AGBL1: variants seen among roughly 807,000 people sequenced by gnomAD.
AGBL1 encodes the protein AGBL carboxypeptidase 1, also known as cytosolic carboxypeptidase 4.
AGBL1 carries 130 observed loss-of-function variants against 118.9 expected under a neutral mutation model. The ratio of observed to expected loss-of-function variants is 1.09; its 90% CI spans 0.95 to 1.26. The LOEUF (loss-of-function observed/expected upper bound fraction) is 1.26. Ranked by LOEUF, AGBL1 falls within the 50% of genes most tolerant of loss-of-function variation. The pLI, the probability that AGBL1 is intolerant of heterozygous loss-of-function variation, is 0.00. For missense variants in AGBL1, 1,584 were observed against 1,298.1 expected (o/e 1.22, Z -3.38); for synonymous variants, 555 against 478.9 (o/e 1.16, Z -2.08).
At chr15:86,248,202 A>G (rs2078752795) in intron 7 of AGBL1, among the ~76,000 whole-genome samples, 1 of 152,180 alleles carries the variant, frequency 6.6e-6, no homozygotes, top group South Asian at 2.1e-4. Context: ...CTATAGTCCC[A>G]GTTACTCAGG....
chr15:86,222,636 C>T (rs2078297571), intron 5 of AGBL1, among the ~76,000 whole-genome samples: 1 of 152,084 alleles, frequency 6.6e-6, no homozygotes, highest in Non-Finnish European at 1.5e-5. Context: ...CTAAATGTGC[C>T]CTTTGCTGCA....
At chr15:86,198,381 T>TGA (rs2141848500) in intron 5 of AGBL1, among the ~76,000 whole-genome samples, 1 of 152,350 alleles carries the variant, frequency 6.6e-6, no homozygotes, top group East Asian at 1.9e-4. Context: ...GAATTTGGAC[T>TGA]TGAGATTTTA....
chr15:86,493,553 A>G (rs1160500574), intron 18 of AGBL1, among the ~76,000 whole-genome samples: 1 of 152,072 alleles, frequency 6.6e-6, no homozygotes, highest in Non-Finnish European at 1.5e-5. Flanking sequence ...ATTGAGAGCC[A>G]GAATAATTGG....
At chr15:86,622,180 A>G (rs1035318360) in intron 21 of AGBL1, among the ~76,000 whole-genome samples, 3 of 152,078 alleles carry the variant, frequency 2.0e-5, no homozygotes, top group African/African-American at 7.2e-5. Context: ...ATACAAAAAA[A>G]TTAGCTAAGC....
Position 86,521,008 on chromosome 15 carries a change from A to C in AGBL1, c.2556-1802A>C, listed in dbSNP as rs1265138681. 2.6e-5 allele frequency among the ~76,000 whole-genome samples: 4 copies of C among 152,218 alleles called. No individual in the cohort carries two copies. The South Asian group carries it at 8.3e-4, about 32-fold the overall frequency. ...TAGATGTCATTGCTATTAAAAACAGAAAGGGAGAAAAAAAGCAGGCAAAGA... is the reference window on the plus strand; with the variant it reads ...TAGATGTCATTGCTATTAAAAACAGCAAGGGAGAAAAAAAGCAGGCAAAGA... On this transcript the variant is annotated intron_variant, in intron 18 of 22. Coordinates refer to ENST00000614907, the MANE Select transcript of AGBL1 (RefSeq NM_001386094.1).
chr15:86,712,179 T>TA (rs1162935977), intron 22 of AGBL1, among the ~76,000 whole-genome samples: 1 of 152,212 alleles, frequency 6.6e-6, no homozygotes, highest in Non-Finnish European at 1.5e-5. Flanking sequence ...AGAATATTGT[T>TA]AAAATTTTCA....
At chr15:86,496,621 C>A (rs574444979) in intron 18 of AGBL1, among the ~76,000 whole-genome samples, 5 of 151,932 alleles carry the variant, frequency 3.3e-5, no homozygotes, top group African/African-American at 1.2e-4. Flanking sequence ...ATTTTTGATA[C>A]CTTCCTTGGA....
downstream of AGBL1, among the ~76,000 whole-genome samples, chr15:86,917,145 C>A (rs1242103554): frequency 1.3e-5 from 2 of 152,100 alleles, no homozygotes; most frequent in Non-Finnish European, 2.9e-5. This position sits in a 1 kb window ranked among gnomAD's most constrained non-coding sequence, Gnocchi z 4.8. Context: ...GAGTTTGATG[C>A]CACCCTGGGA....
intron 7 of AGBL1, among the ~76,000 whole-genome samples, chr15:86,253,406 A>G (rs2078847561): frequency 6.6e-6 from 1 of 151,820 alleles, no homozygotes; most frequent in African/African-American, 2.4e-5. Context: ...ATGCACCACA[A>G]TGCCTGGCTA....
At chr15:86,754,360 G>T (rs1224220673) in intron 22 of AGBL1, among the ~76,000 whole-genome samples, 1 of 152,080 alleles carries the variant, frequency 6.6e-6, no homozygotes, top group African/African-American at 2.4e-5. Context: ...GAACTCAAGG[G>T]TACCAAGGAA....
intron 17 of AGBL1, among the ~76,000 whole-genome samples, chr15:86,307,108 GC>G (rs2079853323): frequency 2.0e-5 from 3 of 150,556 alleles, no homozygotes; most frequent in East Asian, 2.0e-4. Context: ...TAACTCTCTT[GC>G]CCCCCTCCAA....
chr15:86,480,745 T>G (rs775418167), intron 18 of AGBL1, among the ~76,000 whole-genome samples: 2 of 151,972 alleles, frequency 1.3e-5, no homozygotes, highest in Non-Finnish European at 2.9e-5. Context: ...TTGGAAGGTA[T>G]GGCAAAGAGA....
chr15:86,920,972 A>C (rs1457913060), downstream of AGBL1, among the ~76,000 whole-genome samples: 1 of 152,182 alleles, frequency 6.6e-6, no homozygotes, highest in Non-Finnish European at 1.5e-5. Flanking sequence ...TGGAGAAAGG[A>C]GGGCATTCAT....
chr15:86,887,631 T>C (rs967045625), intron 22 of AGBL1, among the ~76,000 whole-genome samples: 1 of 152,180 alleles, frequency 6.6e-6, no homozygotes, highest in Admixed American at 6.5e-5. Flanking sequence ...ATAGTCCCTA[T>C]AGAGATGAGT....
intron 21 of AGBL1, among the ~76,000 whole-genome samples, chr15:86,605,876 C>T (rs113459926): frequency 0.026 from 3,982 of 151,918 alleles, 178 homozygotes; most frequent in African/African-American, 0.088. Flanking sequence ...TCTGTAATCC[C>T]AGCACTTTGG....
chr15:86,283,666 G>A (rs2079392487), intron 16 of AGBL1, among the ~76,000 whole-genome samples: 1 of 152,126 alleles, frequency 6.6e-6, no homozygotes, highest in African/African-American at 2.4e-5. Context: ...GCAATGAGCA[G>A]GCCATAAATC....
chr15:86,490,662 T>A (rs1056667727), intron 18 of AGBL1, among the ~76,000 whole-genome samples: 1 of 152,134 alleles, frequency 6.6e-6, no homozygotes, highest in Non-Finnish European at 1.5e-5. Flanking sequence ...GCCTTGCTGT[T>A]TTTATCACTG....
intron 23 of AGBL1, among the ~76,000 whole-genome samples, chr15:86,927,597 A>G (rs2080558329): frequency 6.6e-6 from 1 of 152,188 alleles, no homozygotes; most frequent in Admixed American, 6.5e-5. Flanking sequence ...TGAAATAAAT[A>G]AATAAAATTA....
chr15:86,969,611 G>A (rs111919087), intron 23 of AGBL1, among the ~76,000 whole-genome samples: 4,301 of 152,150 alleles, frequency 0.028, 88 homozygotes, highest in Non-Finnish European at 0.043. Context: ...GAATGTGTAT[G>A]TGGGCATATG....
Sources: allele counts gnomAD v4.1 joint callset (sites outside exome capture counted in the v4.1 genomes callset), GRCh38; gene constraint gnomAD v4.1.1; non-coding constraint Gnocchi (gnomAD v3.1); transcripts MANE v1.5; gene names NCBI Gene and HGNC (gene_info 2026-07-23, HGNC 2026-07-21).